The following RBFOX3 variants were observed in gnomAD, a reference collection of about 807,000 sequenced individuals.
RBFOX3 encodes the protein RNA binding protein fox-1 homolog 3.
A neutral mutation model predicts 48.7 loss-of-function variants in RBFOX3; 17 were observed. The ratio of observed to expected loss-of-function variants is 0.35; its 90% confidence interval spans 0.24 to 0.52. RBFOX3 has a LOEUF of 0.52. Ranked by LOEUF, RBFOX3 falls within the 20% of genes least tolerant of loss-of-function variation. The probability of loss-of-function intolerance (pLI) is 0.94; values close to 1 mark genes in which losing one functional copy is unlikely to be tolerated. For synonymous variants in RBFOX3, 212 were observed against 209.5 expected (o/e 1.01, Z -0.10); for missense variants, 382 against 497.5 (o/e 0.77, Z 2.21).
intron 1 of RBFOX3, among the ~76,000 whole-genome samples, chr17:79,590,716 C>T (rs1406889515): frequency 1.3e-5 from 2 of 152,162 alleles, no homozygotes; most frequent in Non-Finnish European, 2.9e-5. Flanking sequence ...GACCTCTTCC[C>T]CTGCCTTCTC....
In RBFOX3 at chr17:79,249,372, C is replaced by T. The variant is rs1269778933; in HGVS notation, c.-73-13567G>A. Among the ~76,000 whole-genome samples the T allele has an allele frequency of 1.3e-5, 2 of 152,186 alleles. No homozygotes were observed. Among genetic ancestry groups the T allele is most frequent in the Non-Finnish European group, 2.9e-5 (2 of 68,036 alleles). ...CGCTCGGCTCCAATGCTGCTGCAGT[C>T]ACCGTCTTTTATTCCCTGTATTCTG... On this transcript the variant is annotated intron_variant, in intron 3 of 14. Transcript: ENST00000693108. The surrounding 1 kb of genome is among the most constrained non-coding windows in gnomAD (Gnocchi z 4.1).
intron 2 of RBFOX3, among the ~76,000 whole-genome samples, chr17:79,354,609 A>T (rs2084608000): frequency 6.6e-6 from 1 of 152,266 alleles, no homozygotes; most frequent in African/African-American, 2.4e-5. Context: ...CAGTAGGAAG[A>T]TGACAGGGAC....
chr17:79,154,083 C>T (rs2045213034), intron 4 of RBFOX3, among the ~76,000 whole-genome samples: 1 of 152,174 alleles, frequency 6.6e-6, no homozygotes, highest in Admixed American at 6.5e-5. Flanking sequence ...ACCCTCCTGA[C>T]CCCGGCCCCC....
rs1373323367 is a variant in RBFOX3, at chr17:79,421,333, C to T, written c.-175+61121G>A. 6.6e-6 allele frequency among the ~76,000 whole-genome samples: 1 copy of T among 152,170 alleles called. No homozygotes were observed. The highest frequency in any genetic ancestry group is 6.5e-5 in the Admixed American group (1 of 15,284). ...CGGGCCTGAGAGTGGTTCTGGAAGC[C>T]TCTACGCTTGAGGCTGGTGTCAGAA... On this transcript the variant is annotated intron_variant, in intron 2 of 14. Coordinates refer to ENST00000693108, the MANE Select transcript of RBFOX3 (RefSeq NM_001350451.2). The surrounding 1 kb of genome is among the most constrained non-coding windows in gnomAD (Gnocchi z 4.5).
At chr17:79,536,842 T>C (rs2088851690) in intron 1 of RBFOX3, among the ~76,000 whole-genome samples, 1 of 152,068 alleles carries the variant, frequency 6.6e-6, no homozygotes, top group South Asian at 2.1e-4. Flanking sequence ...TCCCAGCGCT[T>C]TGGGAGGCCG....
rs1193814035 is a variant in RBFOX3, at chr17:79,585,962, A to G, written c.-320+24864T>C. ...CCCCAGCTGAGCTCCTGCATCCACC[A>G]ACCAGCCTTCCCATCTCCCAGGCTG... On this transcript the variant is annotated intron_variant, in intron 1 of 14. Transcript: ENST00000693108. Among the ~76,000 whole-genome samples, 4 of 152,316 alleles carry G rather than the reference A, an allele frequency of 2.6e-5. No homozygotes were observed. In the East Asian group the frequency reaches 7.7e-4, roughly 29 times the overall value.
intron 2 of RBFOX3, among the ~76,000 whole-genome samples, chr17:79,413,700 G>A (rs2064851578): frequency 6.6e-6 from 1 of 152,214 alleles, no homozygotes; most frequent in African/African-American, 2.4e-5. Flanking sequence ...GGAGGGGGCT[G>A]GAAGGCAGCC....
At chr17:79,185,805 G>A (rs573198838) in intron 4 of RBFOX3, among the ~76,000 whole-genome samples, 3 of 152,176 alleles carry the variant, frequency 2.0e-5, no homozygotes, top group Non-Finnish European at 2.9e-5. Context: ...TTGAGTCAAC[G>A]CTACTGTTTT....
chr17:79,335,319 G>A (rs2081022778), intron 2 of RBFOX3, among the ~76,000 whole-genome samples: 2 of 152,240 alleles, frequency 1.3e-5, no homozygotes, highest in African/African-American at 4.8e-5. Context: ...ACCTGCATGT[G>A]CCTTCTTTCA....
chr17:79,611,134 C>CTCTCTCTCTCTCTCTCTCTCTA, upstream of RBFOX3, among the ~76,000 whole-genome samples: 1 of 21,978 alleles, frequency 4.6e-5, no homozygotes, highest in African/African-American at 1.1e-4. Context: ...CCCTCCTTCT[C>CTCTCTCTCTCTCTCTCTCTCTA]TCTCTCTCTC....
intron 2 of RBFOX3, among the ~76,000 whole-genome samples, chr17:79,405,027 G>A (rs1375407209): frequency 6.6e-6 from 1 of 152,190 alleles, no homozygotes; most frequent in Admixed American, 6.5e-5. Context: ...GGGACTCCCA[G>A]ACTATGAGGG....
intron 2 of RBFOX3, among the ~76,000 whole-genome samples, chr17:79,354,038 T>G (rs919870565): frequency 1.3e-5 from 2 of 152,186 alleles, no homozygotes; most frequent in African/African-American, 4.8e-5. Context: ...CATAGTGGGA[T>G]GGATGGGAAG....
At chr17:79,235,416 G>A (rs2061521900) in intron 4 of RBFOX3, 1 of 152,284 alleles carries the variant, frequency 6.6e-6, no homozygotes, top group African/African-American at 2.4e-5. Flanking sequence ...GGTTGGGGGA[G>A]GGAAAGGATC....
intron 1 of RBFOX3, among the ~76,000 whole-genome samples, chr17:79,542,117 G>A (rs1461605879): frequency 3.3e-5 from 5 of 151,284 alleles, no homozygotes; most frequent in Non-Finnish European, 7.4e-5. Context: ...AGTTCAGGTT[G>A]TTGTGAAGGT....
chr17:79,357,982 T>C (rs2085538067), intron 2 of RBFOX3, among the ~76,000 whole-genome samples: 1 of 151,920 alleles, frequency 6.6e-6, no homozygotes, highest in African/African-American at 2.4e-5. Context: ...TGACAGCATC[T>C]TGCTCTGTCA....
At chr17:79,190,791 G>T (rs1362320491) in intron 4 of RBFOX3, among the ~76,000 whole-genome samples, 2 of 152,228 alleles carry the variant, frequency 1.3e-5, no homozygotes, top group Non-Finnish European at 2.9e-5. Context: ...TCCCAGGAGG[G>T]ACTGGGGCCA....
intron 2 of RBFOX3, among the ~76,000 whole-genome samples, chr17:79,314,293 G>A (rs188913733): frequency 2.6e-4 from 40 of 152,348 alleles, no homozygotes; most frequent in Non-Finnish European, 4.3e-4. Flanking sequence ...GAGAAGCAGA[G>A]GAGAGAGGCA....
chr17:79,297,018 C>T (rs988447262), intron 3 of RBFOX3, among the ~76,000 whole-genome samples: 1 of 150,838 alleles, frequency 6.6e-6, no homozygotes, highest in Non-Finnish European at 1.5e-5. Context: ...CCTCCTGCCC[C>T]TCCTCTCCCC....
intron 2 of RBFOX3, among the ~76,000 whole-genome samples, chr17:79,442,592 A>G (rs963538228): frequency 9.9e-5 from 15 of 152,024 alleles, no homozygotes; most frequent in Non-Finnish European, 2.1e-4. Context: ...CAGAGGAGGG[A>G]GCCACCTAGG....
Sources: allele counts gnomAD v4.1 joint callset (sites outside exome capture counted in the v4.1 genomes callset), GRCh38; gene constraint gnomAD v4.1.1; non-coding constraint Gnocchi (gnomAD v3.1); transcripts MANE v1.5; gene names NCBI Gene and HGNC (gene_info 2026-07-23, HGNC 2026-07-21).